The following CLIC5 variants were observed in gnomAD, a reference collection of about 807,000 sequenced individuals.
CLIC5 encodes the protein CLIC family member 5, also known as chloride intracellular channel protein 5.
CLIC5 carries 20 observed loss-of-function variants against 24.7 expected under a neutral mutation model. That is an observed-to-expected ratio of 0.81 (90% confidence interval 0.57 to 1.18). CLIC5 has a LOEUF of 1.18. Among genes scored for constraint, CLIC5 ranks in the 50% most tolerant of loss-of-function variants. The pLI, the probability that CLIC5 is intolerant of heterozygous loss-of-function variation, is 0.00. For synonymous variants in CLIC5, 159 were observed against 135.6 expected (o/e 1.17, Z -1.20); for missense variants, 341 against 326.1 (o/e 1.05, Z -0.35).
chr6:46,108,401 T>TGTGTGTGTGA, the CLIC5 span, among the ~76,000 whole-genome samples: 9,340 of 141,288 alleles, frequency 0.066, 328 homozygotes, highest in East Asian at 0.13. Flanking sequence ...TGTGTGTGTG[T>TGTGTGTGTGA]GAGAGAGAGA....
the CLIC5 span, among the ~76,000 whole-genome samples, chr6:46,115,912 G>A: frequency 6.6e-6 from 1 of 152,202 alleles, no homozygotes. Context: ...AGGGATGGAA[G>A]CTGGCCTTAA....
intron 1 of CLIC5, among the ~76,000 whole-genome samples, chr6:46,015,060 T>C (rs1299311355): frequency 6.6e-6 from 1 of 152,188 alleles, no homozygotes; most frequent in Non-Finnish European, 1.5e-5. Flanking sequence ...CAAAGATCAT[T>C]GTGTCAATAA....
At chr6:46,058,442 C>T (rs74827644) in intron 1 of CLIC5, among the ~76,000 whole-genome samples, 4,092 of 152,274 alleles carry the variant, frequency 0.027, 169 homozygotes, top group African/African-American at 0.093. Context: ...AGTTAGTAAA[C>T]GGCAAATTTG....
intron 2 of CLIC5, among the ~76,000 whole-genome samples, chr6:45,953,007 A>C (rs1764521517): frequency 6.6e-6 from 1 of 152,212 alleles, no homozygotes; most frequent in South Asian, 2.1e-4. Context: ...AAACAAACTT[A>C]AAACACGATT....
At chr6:45,938,226 C>T (rs1764007849) in intron 4 of CLIC5, among the ~76,000 whole-genome samples, 1 of 152,186 alleles carries the variant, frequency 6.6e-6, no homozygotes, top group African/African-American at 2.4e-5. Context: ...TCACACAGAG[C>T]AGAAAGGGGA....
chr6:46,004,752 A>G (rs1766488384), intron 1 of CLIC5, among the ~76,000 whole-genome samples: 1 of 151,674 alleles, frequency 6.6e-6, no homozygotes, highest in East Asian at 2.0e-4. Flanking sequence ...AAAGTACCTG[A>G]ATGAGGAAAG....
chr6:45,926,254 T>A (rs1226829395), intron 4 of CLIC5, among the ~76,000 whole-genome samples: 3 of 150,158 alleles, frequency 2.0e-5, no homozygotes, highest in Non-Finnish European at 4.4e-5. Context: ...TTTTATTTTT[T>A]TTATTTTTTT....
At chr6:45,912,401 A>G in intron 5 of CLIC5, 1 of 1,106,382 alleles carries the variant, frequency 9.0e-7, no homozygotes, top group Non-Finnish European at 1.1e-6. Context: ...GGAATTGAGG[A>G]AATCACAGGA....
At chr6:46,080,148 T>C in exon 1 of CLIC5, 1 of 1,551,684 alleles carries the variant, frequency 6.4e-7, no homozygotes, top group East Asian at 2.4e-5. Flanking sequence ...ATCATCATAA[T>C]GGGGACTTTC....
At chr6:46,046,386 G>A (rs1397649871) in intron 1 of CLIC5, among the ~76,000 whole-genome samples, 3 of 152,118 alleles carry the variant, frequency 2.0e-5, no homozygotes, top group African/African-American at 7.2e-5. Context: ...CAAAAGAAAC[G>A]AAATGAAGTG....
chr6:46,066,466 T>A (rs1762446000), intron 1 of CLIC5, among the ~76,000 whole-genome samples: 1 of 152,168 alleles, frequency 6.6e-6, no homozygotes, highest in Admixed American at 6.5e-5. Context: ...CAAGGATCTT[T>A]GCTTGAATAC....
intron 4 of CLIC5, among the ~76,000 whole-genome samples, chr6:45,916,909 A>C (rs1217675654): frequency 6.6e-6 from 1 of 152,174 alleles, no homozygotes; most frequent in Non-Finnish European, 1.5e-5. Flanking sequence ...TGAGGGCTGC[A>C]GTTGGTAACA....
intron 1 of CLIC5, among the ~76,000 whole-genome samples, chr6:45,987,884 T>C (rs2127420467): frequency 6.6e-6 from 1 of 152,352 alleles, no homozygotes; most frequent in East Asian, 1.9e-4. Flanking sequence ...GATTAGGATT[T>C]CAACATATGA....
intron 1 of CLIC5, among the ~76,000 whole-genome samples, chr6:46,040,051 G>A (rs1767764096): frequency 6.6e-6 from 1 of 152,158 alleles, no homozygotes; most frequent in Admixed American, 6.5e-5. Context: ...TTTCTAATCA[G>A]TAGCATACAG....
At chr6:46,085,678 G>T in the CLIC5 span, among the ~76,000 whole-genome samples, 2 of 152,244 alleles carry the variant, frequency 1.3e-5, no homozygotes, top group Admixed American at 6.5e-5. Context: ...GTGTCAGTCT[G>T]CCCCTACTGG....
At chr6:46,111,927 T>C in the CLIC5 span, among the ~76,000 whole-genome samples, 70,081 of 151,974 alleles carry the variant, frequency 0.46, 17,332 homozygotes, top group South Asian at 0.69. Context: ...TCTGCCACTA[T>C]GTAAGATATA....
chr6:45,974,154 G>A (rs1765297393), intron 1 of CLIC5, among the ~76,000 whole-genome samples: 1 of 151,634 alleles, frequency 6.6e-6, no homozygotes, highest in South Asian at 2.1e-4. Context: ...AGAGAGAGGA[G>A]AAATATATAT....
chr6:46,093,599 G>T, the CLIC5 span, among the ~76,000 whole-genome samples: 6 of 152,288 alleles, frequency 3.9e-5, no homozygotes, highest in South Asian at 1.2e-3. Context: ...CCACTAATAT[G>T]GCTAAAATTA....
At chr6:45,973,766 A>G (rs1373449747) in intron 1 of CLIC5, among the ~76,000 whole-genome samples, 1 of 152,098 alleles carries the variant, frequency 6.6e-6, no homozygotes, top group African/African-American at 2.4e-5. Context: ...GTTAAACCCC[A>G]TCTCTACTAA....
Sources: gnomAD v4.1 joint callset for allele counts (sites outside exome capture counted in the v4.1 genomes callset) on GRCh38, gnomAD v4.1.1 for gene constraint, MANE v1.5 for transcripts, NCBI Gene and HGNC (gene_info 2026-07-23, HGNC 2026-07-21) for gene names.